Variants in CRYBG1 observed in about 807,000 individuals in gnomAD.
CRYBG1 encodes crystallin beta-gamma domain containing 1.
CRYBG1 carries 139 observed loss-of-function variants against 189.2 expected under a neutral mutation model. That is an observed-to-expected ratio of 0.73 (90% CI 0.64 to 0.85). The LOEUF (loss-of-function observed/expected upper bound fraction) is 0.85, where lower values mean the gene tolerates loss of function less well. Ranked by LOEUF, CRYBG1 falls within the 40% of genes least tolerant of loss-of-function variation. The pLI, the probability that CRYBG1 is intolerant of heterozygous loss-of-function variation, is 0.00. For missense variants in CRYBG1, 2,611 were observed against 2,675.8 expected (o/e 0.98, Z 0.53); for synonymous variants, 1,023 against 1,017.1 (o/e 1.01, Z -0.11).
chr6:106,543,321 C>T lies in CRYBG1; in HGVS notation c.4882-119C>T, dbSNP rs749082282. ...CTGGGATAACAGGCGTGAGCCACCG[C>T]GCCCAGTCAGAAAATTTTAATTTGT... On this transcript the variant is annotated intron_variant, in intron 10 of 21. Transcript: ENST00000633556. The T allele has an allele frequency of 2.0e-5, 21 of 1,029,662 alleles. No individual in the cohort carries two copies. The Middle Eastern group carries it at 8.9e-4, about 44-fold the overall frequency. 63.8% of individuals were successfully genotyped at this position (1,029,662 alleles called of 1,614,324 possible).
intron 2 of CRYBG1, among the ~76,000 whole-genome samples, chr6:106,477,260 C>G (rs1253390358): frequency 6.6e-6 from 1 of 152,106 alleles, no homozygotes; most frequent in Non-Finnish European, 1.5e-5. Flanking sequence ...AATATTTAGT[C>G]TGTATGGGGT....
intron 2 of CRYBG1, among the ~76,000 whole-genome samples, chr6:106,480,855 C>T (rs555855236): frequency 2.9e-4 from 43 of 150,608 alleles, no homozygotes; most frequent in African/African-American, 8.3e-4. Context: ...GCCTGTAATC[C>T]AGCTGCTTGG....
chr6:106,375,219 T>TA (rs540493835), intron 1 of CRYBG1, among the ~76,000 whole-genome samples: 2 of 151,194 alleles, frequency 1.3e-5, no homozygotes, highest in South Asian at 2.1e-4. Context: ...CCTGTCTCCA[T>TA]AAAAAAAATT....
chr6:106,361,656 A>G (rs1374175595), intron 1 of CRYBG1, among the ~76,000 whole-genome samples: 1 of 152,212 alleles, frequency 6.6e-6, no homozygotes, highest in Non-Finnish European at 1.5e-5. Flanking sequence ...GCAGAGCTAG[A>G]GAGCACCTAG....
intron 1 of CRYBG1, among the ~76,000 whole-genome samples, chr6:106,395,969 C>T (rs967128718): frequency 2.0e-5 from 3 of 152,096 alleles, no homozygotes; most frequent in East Asian, 1.9e-4. Flanking sequence ...GAGGAGATAA[C>T]CCATCCCTGG....
chr6:106,558,379 A>C, intron 17 of CRYBG1, 107 bp from the exon 18 acceptor site: 1 of 997,064 alleles, frequency 1.0e-6, no homozygotes, highest in East Asian at 2.8e-5. Context: ...GGAAAGGCCA[A>C]ATCTAGCAGA....
chr6:106,452,622 T>C (rs762319003), intron 2 of CRYBG1, among the ~76,000 whole-genome samples: 1 of 152,232 alleles, frequency 6.6e-6, no homozygotes, highest in Non-Finnish European at 1.5e-5. Flanking sequence ...AAAGCACTTA[T>C]GCTTTTTTCT....
rs11152999 is a variant in CRYBG1 at position 106,512,572 on chromosome 6, G to A, written c.1455G>A (p.Glu485=). The A allele has an allele frequency of 0.17, 277,410 of 1,605,974 alleles. 28,162 individuals carry two copies. Among genetic ancestry groups the A allele is most frequent in the East Asian group, 0.47 (21,048 of 44,542 alleles). ...GCGTTGCCTCCGCTGCGAGCCCAGAGTCCAAGCCCAGCCCCGGTACCAAAG... is the reference window on the plus strand; with the variant it reads ...GCGTTGCCTCCGCTGCGAGCCCAGAATCCAAGCCCAGCCCCGGTACCAAAG... ...DGGVASAASP[E]SKPSPGTKGQ... Residue 485 remains glutamate (E), a synonymous_variant, in exon 3 of 22, where the codon GAG becomes GAA. Coordinates refer to ENST00000633556, the MANE Select transcript of CRYBG1 (RefSeq NM_001371242.2).
In CRYBG1 at chr6:106,551,979, G is replaced by A. The variant is rs2114585255; in HGVS notation, c.5439+1G>A. 1.3e-6 allele frequency: 2 copies of A among 1,595,702 alleles called. No individual in the cohort carries two copies. Among genetic ancestry groups the A allele is most frequent in the Non-Finnish European group, 1.7e-6 (2 of 1,173,044 alleles). ...CTCTTCTGTTCAACCTATATGTTTG[G>A]TAAGGAGTTATATTTTTGTATGAGA... On this transcript the variant is annotated splice_donor_variant, in intron 14 of 21. Coordinates refer to ENST00000633556, the MANE Select transcript of CRYBG1 (RefSeq NM_001371242.2). LOFTEE classifies it high-confidence loss of function.
In CRYBG1 at chr6:106,373,170, C is replaced by T. The variant is rs143290899; in HGVS notation, c.173+12089C>T. On this transcript the variant is annotated intron_variant, in intron 1 of 21. Coordinates refer to ENST00000633556, the MANE Select transcript of CRYBG1 (RefSeq NM_001371242.2). The stretch of plus-strand genomic sequence containing the variant: ...TGGTCCCATTGTACAGAAGGGTATC[C>T]AGGAACAAAGAATTCATATGCCTTA... Among the ~76,000 whole-genome samples the T allele has an allele frequency of 3.5e-3, 532 of 152,262 alleles. 3 individuals are homozygous for T. Among genetic ancestry groups the T allele is most frequent in the African/African-American group, 0.012 (493 of 41,542 alleles).
chr6:106,535,233 TGG>T (rs1176990963), intron 8 of CRYBG1, among the ~76,000 whole-genome samples: 3 of 152,328 alleles, frequency 2.0e-5, no homozygotes, highest in Admixed American at 6.5e-5. Context: ...CTCATATTGA[TGG>T]GTACATCTCT....
intron 1 of CRYBG1, among the ~76,000 whole-genome samples, chr6:106,422,942 G>A (rs988603597): frequency 6.6e-6 from 1 of 152,152 alleles, no homozygotes; most frequent in African/African-American, 2.4e-5. Flanking sequence ...ATTAAAAGTG[G>A]CTACTTTTTA....
chr6:106,360,730 C>T lies in CRYBG1; in HGVS notation c.-179C>T, dbSNP rs1222769792. Reference sequence around the variant, plus strand: ...AGCTCGGGCTGCAGTGCTGCTCGCGCTGCGCTGGGTGCTGGTTCTGCAACC... The same window carrying T: ...AGCTCGGGCTGCAGTGCTGCTCGCGTTGCGCTGGGTGCTGGTTCTGCAACC... On this transcript the variant is annotated 5_prime_UTR_variant, in exon 1 of 22. Coordinates refer to ENST00000633556, the MANE Select transcript of CRYBG1 (RefSeq NM_001371242.2). 1 of 643,068 alleles carries T rather than the reference C, an allele frequency of 1.6e-6. No individual in the cohort carries two copies. Among genetic ancestry groups the T allele is most frequent in the African/African-American group, 1.9e-5 (1 of 51,418 alleles). The allele number at this position is 643,068 out of a possible 1,614,324, so 39.8% of individuals were successfully genotyped here. A position where few individuals can be genotyped will look rare whatever the true frequency, so the allele number is the denominator to read the frequency against.
intron 11 of CRYBG1, 73 bp downstream of exon 11, chr6:106,543,670 C>A (rs1263241276): frequency 8.8e-6 from 13 of 1,475,558 alleles, no homozygotes; most frequent in Admixed American, 2.0e-5. Flanking sequence ...CCCTTTCCCC[C>A]CTAAAAACAA....
intron 13 of CRYBG1, among the ~76,000 whole-genome samples, chr6:106,549,522 T>C (rs1774350255): frequency 1.3e-5 from 2 of 152,016 alleles, no homozygotes; most frequent in Admixed American, 1.3e-4. Flanking sequence ...GTGGATCACT[T>C]GAAGTCAGGA....
intron 1 of CRYBG1, among the ~76,000 whole-genome samples, chr6:106,427,616 C>G (rs1771250261): frequency 6.6e-6 from 1 of 152,174 alleles, no homozygotes; most frequent in South Asian, 2.1e-4. Flanking sequence ...TGTTTTGTCT[C>G]CCGCTGCCCT....
chr6:106,420,199 AAT>A (rs1771097078), intron 1 of CRYBG1, among the ~76,000 whole-genome samples: 1 of 152,214 alleles, frequency 6.6e-6, no homozygotes. Flanking sequence ...CCCAGGAAAA[AAT>A]ATAAGCATAC....
intron 2 of CRYBG1, among the ~76,000 whole-genome samples, chr6:106,496,299 G>A (rs925635755): frequency 2.0e-5 from 3 of 152,136 alleles, no homozygotes; most frequent in East Asian, 1.9e-4. Flanking sequence ...ATAAAGCCCC[G>A]ATTAAATGTT....
At chr6:106,433,871 T>C (rs902041965) in intron 1 of CRYBG1, among the ~76,000 whole-genome samples, 4 of 151,116 alleles carry the variant, frequency 2.6e-5, no homozygotes, top group Admixed American at 2.0e-4. Flanking sequence ...TCTATTGCCA[T>C]GTAACAAATT....
Sources: gnomAD v4.1 joint callset for allele counts (sites outside exome capture counted in the v4.1 genomes callset) on GRCh38, gnomAD v4.1.1 for gene constraint, MANE v1.5 for transcripts, NCBI Gene and HGNC (gene_info 2026-07-23, HGNC 2026-07-21) for gene names.